Variants in CTPS1 observed in about 807,000 individuals in gnomAD.
CTPS1 encodes the protein CTP synthase 1.
Under a neutral mutation model 80.5 loss-of-function variants are expected in CTPS1, and 25 were observed. The observed-to-expected ratio is 0.31, with a 90% CI of 0.23 to 0.43. The LOEUF is 0.43. Ranked by LOEUF, CTPS1 falls within the 20% of genes least tolerant of loss-of-function variation. CTPS1 has a pLI of 1.00. For synonymous variants in CTPS1, 267 were observed against 252.5 expected (o/e 1.06, Z -0.54); for missense variants, 442 against 725.7 (o/e 0.61, Z 4.49).
intron 3 of CTPS1, among the ~76,000 whole-genome samples, chr1:40,986,706 A>T (rs555838449): frequency 1.3e-5 from 2 of 152,304 alleles, no homozygotes; most frequent in East Asian, 3.9e-4. Flanking sequence ...TGAAGTGTTG[A>T]GCAATTGCTG....
At position 41,002,217 on chromosome 1, in the gene CTPS1, A is replaced by G. The variant is rs138406396; in HGVS notation, c.1152A>G (p.Ala384=). Residue 384 remains alanine, a synonymous_variant, in exon 11 of 19, where the codon GCA becomes GCG. Coordinates refer to ENST00000650070, the MANE Select transcript of CTPS1 (RefSeq NM_001905.4). ...GAGGAACAGAAGGAAAAATCCAAGC[A>G]ATTGCCTGGGCTCGGAATCAGAAAA... ...GVRGTEGKIQ[A]IAWARNQKKP... The G allele has an allele frequency of 3.3e-5, 54 of 1,614,196 alleles. 1 individual carries two copies. The Middle Eastern group carries it at 6.6e-4, about 20-fold the overall frequency.
chr1:40,986,714 C>T (rs79702067), intron 3 of CTPS1, among the ~76,000 whole-genome samples: 5,722 of 152,266 alleles, frequency 0.038, 188 homozygotes, highest in South Asian at 0.13. Flanking sequence ...TGAGCAATTG[C>T]TGGCATTCTT....
chr1:41,011,363 A>T (rs1013869288), intron 18 of CTPS1, among the ~76,000 whole-genome samples: 2 of 152,230 alleles, frequency 1.3e-5, no homozygotes, highest in African/African-American at 4.8e-5. Flanking sequence ...GGTCAGTTAC[A>T]TGGAATTTCT....
intron 1 of CTPS1, among the ~76,000 whole-genome samples, chr1:40,982,592 A>AT (rs1642343233): frequency 6.6e-6 from 1 of 151,970 alleles, no homozygotes; most frequent in Admixed American, 6.6e-5. Context: ...GTTTCCCCAT[A>AT]TTGGCCAGGC....
intron 18 of CTPS1, 145 bp downstream of exon 18, chr1:41,010,399 GA>G: frequency 1.6e-6 from 1 of 625,552 alleles, no homozygotes; most frequent in Non-Finnish European, 2.8e-6. Context: ...CAGAGGTTGA[GA>G]GAGAAAAGAA....
Position 40,990,579 on chromosome 1 carries a change from G to A in CTPS1, c.556-586G>A, listed in dbSNP as rs541333482. On this transcript the variant is annotated intron_variant, in intron 5 of 18. Transcript: ENST00000650070. ...GTGGGAGGACTGCTTGAGCCTATGAGTTTGAGACCAGCCTGGGCAATGTGA... is the reference window on the plus strand; with the variant it reads ...GTGGGAGGACTGCTTGAGCCTATGAATTTGAGACCAGCCTGGGCAATGTGA... Among the ~76,000 whole-genome samples, 56 of 151,800 alleles carry A rather than the reference G, an allele frequency of 3.7e-4. 2 individuals are homozygous for A. The South Asian group carries it at 0.011, about 30-fold the overall frequency.
At chr1:40,989,519 A>G (rs1570948995) in intron 5 of CTPS1, among the ~76,000 whole-genome samples, 2 of 152,290 alleles carry the variant, frequency 1.3e-5, no homozygotes, top group Admixed American at 6.5e-5. Context: ...GCGGCTCCCC[A>G]TGAAATAAGC....
chr1:41,012,399 G>A lies in CTPS1; in HGVS notation c.*751G>A, dbSNP rs572549602. On this transcript the variant is annotated 3_prime_UTR_variant, in exon 19 of 19. Transcript: ENST00000650070. ...TCTCATATATAGACAGCTTTGACTG[G>A]AGGGTCCATTTTTCTTCCAGGATGG... 2.6e-5 allele frequency: 4 copies of A among 152,302 alleles called. No homozygotes were observed. Among genetic ancestry groups the A allele is most frequent in the Non-Finnish European group, 4.4e-5 (3 of 68,036 alleles). 9.4% of individuals were successfully genotyped at this position (152,302 alleles called of 1,614,324 possible).
At chr1:40,998,104 G>T (rs796392229) in intron 9 of CTPS1, among the ~76,000 whole-genome samples, 18 of 152,236 alleles carry the variant, frequency 1.2e-4, no homozygotes, top group African/African-American at 4.3e-4. Context: ...ATGGTTAAGA[G>T]CATGGATGCC....
At chr1:40,980,963 C>G (rs1053022821) in intron 1 of CTPS1, 1 of 152,484 alleles carries the variant, frequency 6.6e-6, no homozygotes, top group African/African-American at 2.4e-5. Context: ...AGGCCCATTG[C>G]AAGTCATATC....
chr1:40,999,155 G>T (rs1245276825), intron 9 of CTPS1, among the ~76,000 whole-genome samples: 1 of 152,182 alleles, frequency 6.6e-6, no homozygotes, highest in Non-Finnish European at 1.5e-5. Context: ...ACACCAGGTT[G>T]GGTTGGGTAG....
intron 1 of CTPS1, 138 bp from the exon 2 acceptor site, chr1:40,983,140 C>T (rs941416147): frequency 1.5e-6 from 1 of 648,118 alleles, no homozygotes; most frequent in African/African-American, 1.8e-5. Flanking sequence ...TGACGAGAAC[C>T]TTCTGAAGTC....
chr1:40,990,850 G>A (rs1012612358), intron 5 of CTPS1, among the ~76,000 whole-genome samples: 1 of 152,176 alleles, frequency 6.6e-6, no homozygotes, highest in Admixed American at 6.5e-5. Flanking sequence ...ATTTAACAGG[G>A]AAATCAATAG....
chr1:40,989,782 C>CT (rs1412716311), intron 5 of CTPS1, among the ~76,000 whole-genome samples: 1 of 152,052 alleles, frequency 6.6e-6, no homozygotes, highest in Non-Finnish European at 1.5e-5. Flanking sequence ...TAGGTAAGAA[C>CT]TGGATGCTAT....
chr1:41,006,078 C>T lies in CTPS1; in HGVS notation c.1280C>T (p.Thr427Met), dbSNP rs768930904. The change falls in exon 13 of 19, where the codon ACG becomes ATG. Residue 427 changes from threonine (T) to methionine (M), a missense_variant. Transcript: ENST00000650070. Reference sequence around the variant, plus strand: ...GCCAATTCTACAGAGTTTGACCCTACGACCAGTCATCCCGTGGTGAGTCAA... The same window carrying T: ...GCCAATTCTACAGAGTTTGACCCTATGACCAGTCATCCCGTGGTGAGTCAA... ...QDANSTEFDP[T>M]TSHPVVVDMP... 9.9e-6 allele frequency: 16 copies of T among 1,613,424 alleles called. No homozygotes were observed. Among genetic ancestry groups the T allele is most frequent in the South Asian group, 4.4e-5 (4 of 91,070 alleles).
At chr1:40,987,341 G>GT (rs1436349450) in intron 3 of CTPS1, 31 bp from the exon 4 acceptor site, 1 of 1,511,234 alleles carries the variant, frequency 6.6e-7, no homozygotes, top group Non-Finnish European at 9.2e-7. Context: ...ATGGACAAGC[G>GT]TAAGTTCCCT....
At chr1:41,010,133 T>G (rs1394654134) in intron 17 of CTPS1, 28 bp from the exon 18 acceptor site, 1 of 1,548,394 alleles carries the variant, frequency 6.5e-7, no homozygotes, top group Non-Finnish European at 8.9e-7. Context: ...TGGTGGGAGA[T>G]GATGCGTAAA....
chr1:40,988,416 C>T (rs1410005582), intron 4 of CTPS1, 178 bp from the exon 5 acceptor site: 3 of 573,420 alleles, frequency 5.2e-6, no homozygotes, highest in Non-Finnish European at 9.4e-6. Flanking sequence ...AAAGAATAAC[C>T]TTTTAGTACA....
Position 40,997,448 on chromosome 1 carries a change from G to A in CTPS1, c.927G>A (p.Lys309=). 1.2e-6 allele frequency: 2 copies of A among 1,614,166 alleles called. No individual in the cohort carries two copies. Among genetic ancestry groups the A allele is most frequent in the South Asian group, 1.1e-5 (1 of 91,082 alleles). ...CSIALVGKYT[K]FSDSYASVIK... ...TTGCCCTTGTGGGCAAATACACGAA[G>A]TTCTCAGACTCCTATGCCTCTGTCA... Residue 309 remains lysine, a synonymous_variant, in exon 9 of 19, where the codon AAG becomes AAA. Coordinates refer to ENST00000650070, the MANE Select transcript of CTPS1 (RefSeq NM_001905.4).
Sources: allele counts gnomAD v4.1 joint callset (sites outside exome capture counted in the v4.1 genomes callset), GRCh38; gene constraint gnomAD v4.1.1; transcripts MANE v1.5; gene names NCBI Gene and HGNC (gene_info 2026-07-23, HGNC 2026-07-21).